The following FXR1 variants were observed in gnomAD, a reference collection of about 807,000 sequenced individuals.
FXR1 encodes FMR1 autosomal homolog 1.
Under a neutral mutation model 84.0 loss-of-function variants are expected in FXR1, and 15 were observed. The ratio of observed to expected loss-of-function variants is 0.18; its 90% CI spans 0.12 to 0.27. FXR1 has a LOEUF of 0.27. Ranked by LOEUF, FXR1 falls within the 10% of genes least tolerant of loss-of-function variation. The pLI is 1.00. For synonymous variants in FXR1, 245 were observed against 250.7 expected (o/e 0.98, Z 0.21); for missense variants, 480 against 774.4 (o/e 0.62, Z 4.51).
intron 15 of FXR1, among the ~76,000 whole-genome samples, chr3:180,974,476 G>T (rs908005811): frequency 1.3e-5 from 2 of 152,186 alleles, no homozygotes. Flanking sequence ...GAGTGTTGAT[G>T]TATAAAGTGA....
At chr3:180,924,825 A>G (rs186275200) in intron 1 of FXR1, among the ~76,000 whole-genome samples, 3 of 152,260 alleles carry the variant, frequency 2.0e-5, no homozygotes, top group Admixed American at 2.0e-4. Flanking sequence ...AAACAGCATC[A>G]GTTGTCAGAG....
chr3:180,926,503 TATA>T (rs759036607), intron 1 of FXR1, among the ~76,000 whole-genome samples: 3,716 of 75,844 alleles, frequency 0.049, 71 homozygotes, highest in Admixed American at 0.081. Context: ...TATATATATA[TATA>T]TTTTTTTTTC....
intron 1 of FXR1, among the ~76,000 whole-genome samples, chr3:180,932,788 A>G (rs1720087480): frequency 6.6e-6 from 1 of 152,238 alleles, no homozygotes. Flanking sequence ...CATTTTACTG[A>G]AGGTGAACTA....
intron 1 of FXR1, among the ~76,000 whole-genome samples, chr3:180,922,757 CAT>C (rs775018435): frequency 3.9e-5 from 6 of 152,194 alleles, no homozygotes; most frequent in South Asian, 2.1e-4. Flanking sequence ...AGACTACAGA[CAT>C]GTGCCACCAT....
chr3:180,915,757 C>T, intron 1 of FXR1: 3 of 617,814 alleles, frequency 4.9e-6, no homozygotes, highest in South Asian at 1.8e-5. Flanking sequence ...AGGCAGTACT[C>T]TGTAGACTTT....
At chr3:180,929,743 A>G (rs1006632148) in intron 1 of FXR1, among the ~76,000 whole-genome samples, 6 of 152,338 alleles carry the variant, frequency 3.9e-5, no homozygotes, top group Non-Finnish European at 7.4e-5. Flanking sequence ...TGGCTTGGGA[A>G]TACAAAAATA....
chr3:180,944,379 G>A (rs1464304061), intron 3 of FXR1, among the ~76,000 whole-genome samples: 1 of 151,020 alleles, frequency 6.6e-6, no homozygotes, highest in Admixed American at 6.6e-5. Flanking sequence ...AGAGTATAGT[G>A]GCATGATCAT....
intron 1 of FXR1, among the ~76,000 whole-genome samples, chr3:180,929,655 C>T (rs547758213): frequency 3.4e-4 from 52 of 152,306 alleles, no homozygotes; most frequent in African/African-American, 1.2e-3. Context: ...TATGGTGTCT[C>T]CTATCGGATT....
rs567580847 is a variant in FXR1 at position 180,952,333 on chromosome 3, G to T, written c.801+865G>T. On this transcript the variant is annotated intron_variant, in intron 8 of 16. Transcript: ENST00000357559. ...TCTTATGAACAGCTGCTTTCACATA[G>T]TAAAGCTGACTAGAAGCTTCACTTT... Among the ~76,000 whole-genome samples, 11 of 152,204 alleles carry T rather than the reference G, an allele frequency of 7.2e-5. No homozygotes were observed. The East Asian group carries it at 1.9e-3, about 27-fold the overall frequency.
intron 13 of FXR1, among the ~76,000 whole-genome samples, chr3:180,964,581 A>C (rs879902356): frequency 6.6e-6 from 1 of 151,632 alleles, no homozygotes. Flanking sequence ...ATAGTTACTG[A>C]ACCTGAGTGG....
rs554667290 is a variant in FXR1, at chr3:180,922,706, A to G, written c.51+9970A>G. ...TGGCTCATTGCAGTCTTGACCTTCC[A>G]GGTTCAAGCGATCCTCCTGCCTCAG... On this transcript the variant is annotated intron_variant, in intron 1 of 16. Coordinates refer to ENST00000357559, the MANE Select transcript of FXR1 (RefSeq NM_005087.4). Among the ~76,000 whole-genome samples the G allele has an allele frequency of 2.3e-3, 357 of 152,250 alleles. 1 individual carries two copies. The highest frequency in any genetic ancestry group is 4.3e-3 in the Non-Finnish European group (291 of 67,998).
At chr3:180,935,802 G>A (rs554793236) in intron 3 of FXR1, among the ~76,000 whole-genome samples, 2 of 152,302 alleles carry the variant, frequency 1.3e-5, no homozygotes, top group East Asian at 3.9e-4. Flanking sequence ...TTCATGTCGT[G>A]CATGTTCTTT....
intron 13 of FXR1, among the ~76,000 whole-genome samples, chr3:180,967,583 G>GTTT (rs1712997637): frequency 6.7e-6 from 1 of 148,530 alleles, no homozygotes; most frequent in Non-Finnish European, 1.5e-5. Flanking sequence ...TTTTTTTTTG[G>GTTT]TGCCAAAACC....
intron 13 of FXR1, among the ~76,000 whole-genome samples, chr3:180,965,737 A>AAT (rs1348708037): frequency 6.6e-6 from 1 of 152,152 alleles, no homozygotes; most frequent in Non-Finnish European, 1.5e-5. Flanking sequence ...AGAAACATTT[A>AAT]ATATGTGTTA....
At chr3:180,921,968 A>T (rs908622107) in intron 1 of FXR1, among the ~76,000 whole-genome samples, 5 of 152,186 alleles carry the variant, frequency 3.3e-5, no homozygotes, top group African/African-American at 1.2e-4. Context: ...GTACGCATTC[A>T]GTTACAAGTA....
chr3:180,976,603 T>TGG lies in FXR1; in HGVS notation c.*313_*314dup, dbSNP rs1489259535. On this transcript the variant is annotated 3_prime_UTR_variant, in exon 17 of 17. Coordinates refer to ENST00000357559, the MANE Select transcript of FXR1 (RefSeq NM_005087.4). ...CAGAGATGGGGGGTGGTGGGTGGGG[T>TGG]GGGATCCCTAACGTAATATTCTTTA... is the stretch of plus-strand genomic sequence containing the variant. 1 of 169,714 alleles carries TGG rather than the reference T, an allele frequency of 5.9e-6. No individual in the cohort carries two copies. Among genetic ancestry groups the TGG allele is most frequent in the East Asian group, 1.6e-4 (1 of 6,412 alleles). 10.5% of individuals were successfully genotyped at this position (169,714 alleles called of 1,614,324 possible). A position where few individuals can be genotyped will look rare whatever the true frequency, so the allele number is the denominator to read the frequency against.
intron 3 of FXR1, among the ~76,000 whole-genome samples, chr3:180,944,156 A>T (rs1721435715): frequency 6.6e-6 from 1 of 151,808 alleles, no homozygotes; most frequent in Non-Finnish European, 1.5e-5. Flanking sequence ...CAGGTGATCC[A>T]CCCACCTCGG....
At chr3:180,965,334 C>T (rs1712685861) in intron 13 of FXR1, among the ~76,000 whole-genome samples, 1 of 151,826 alleles carries the variant, frequency 6.6e-6, no homozygotes, top group Non-Finnish European at 1.5e-5. Context: ...ACTTTTAAAG[C>T]TTGTTTAAAA....
chr3:180,920,691 A>G (rs774533673), intron 1 of FXR1, among the ~76,000 whole-genome samples: 2 of 151,970 alleles, frequency 1.3e-5, no homozygotes, highest in Non-Finnish European at 2.9e-5. Context: ...TTGTATTTTT[A>G]GTAGAGATGG....
Sources: allele counts gnomAD v4.1 joint callset (sites outside exome capture counted in the v4.1 genomes callset), GRCh38; gene constraint gnomAD v4.1.1; transcripts MANE v1.5; gene names NCBI Gene and HGNC (gene_info 2026-07-23, HGNC 2026-07-21).